SPATA16: variants seen among roughly 807,000 people sequenced by gnomAD.
SPATA16 encodes the protein spermatogenesis associated 16.
A neutral mutation model predicts 63.3 loss-of-function variants in SPATA16; 36 were observed. That is an observed-to-expected ratio of 0.57 (90% CI 0.44 to 0.75). The LOEUF is 0.75. Among genes scored for constraint, SPATA16 ranks in the 30% least tolerant of loss-of-function variants. SPATA16 has a pLI of 0.00. For synonymous variants in SPATA16, 203 were observed against 216.7 expected, an observed-to-expected ratio of 0.94 and a Z score of 0.56; for missense variants, 646 against 679.3, an observed-to-expected ratio of 0.95 and a Z score of 0.54.
intron 5 of SPATA16, among the ~76,000 whole-genome samples, chr3:172,961,049 T>TTTCTC (rs1553786354): frequency 9.1e-5 from 8 of 88,058 alleles, no homozygotes; most frequent in South Asian, 3.8e-4. Flanking sequence ...TCTTTCTTTC[T>TTTCTC]TCTTTCTTTC....
chr3:172,955,630 C>T (rs1364604883), intron 6 of SPATA16, among the ~76,000 whole-genome samples: 1 of 152,020 alleles, frequency 6.6e-6, no homozygotes, highest in Non-Finnish European at 1.5e-5. Context: ...TGATATCTTT[C>T]CCTTGAAGAG....
intron 3 of SPATA16, among the ~76,000 whole-genome samples, chr3:173,044,503 A>G (rs1231669507): frequency 1.3e-5 from 2 of 152,080 alleles, no homozygotes; most frequent in East Asian, 1.9e-4. Flanking sequence ...CATTACAACT[A>G]TTTTTACCTT....
chr3:172,990,378 A>G (rs1438804272), intron 4 of SPATA16, among the ~76,000 whole-genome samples: 1 of 152,180 alleles, frequency 6.6e-6, no homozygotes, highest in Non-Finnish European at 1.5e-5. Context: ...ATGGGATTCT[A>G]TATATTAAAC....
At chr3:173,066,552 T>G (rs1156513096) in intron 2 of SPATA16, among the ~76,000 whole-genome samples, 1 of 152,166 alleles carries the variant, frequency 6.6e-6, no homozygotes, top group African/African-American at 2.4e-5. Flanking sequence ...TCAAGTCCAC[T>G]AAGGCTGGGT....
At chr3:172,925,198 A>G (rs1732700087) in intron 7 of SPATA16, 148 bp downstream of exon 7, 2 of 875,522 alleles carry the variant, frequency 2.3e-6, no homozygotes, top group Admixed American at 2.4e-5. Context: ...GTTCTTGGGG[A>G]AAGATTTCCT....
intron 3 of SPATA16, among the ~76,000 whole-genome samples, chr3:173,046,538 G>A (rs1170578015): frequency 6.6e-6 from 1 of 151,872 alleles, no homozygotes; most frequent in African/African-American, 2.4e-5. Context: ...ATATGCAGTA[G>A]ACCTCACATT....
rs148267474 is a variant in SPATA16 at position 173,113,785 on chromosome 3, G to A, written c.612+3335C>T. 4.8e-3 allele frequency among the ~76,000 whole-genome samples: 725 copies of A among 152,254 alleles called. 5 individuals are homozygous for A. Among genetic ancestry groups the A allele is most frequent in the Non-Finnish European group, 7.7e-3 (522 of 68,014 alleles). Reference sequence around the variant, plus strand: ...TAAATGCCTCCAGGGCCTTTGCTCCGTTCTTACTTTTCTGTTTCTTTTTTG... The same window carrying A: ...TAAATGCCTCCAGGGCCTTTGCTCCATTCTTACTTTTCTGTTTCTTTTTTG... On this transcript the variant is annotated intron_variant, in intron 2 of 10. Transcript: ENST00000351008.
intron 3 of SPATA16, among the ~76,000 whole-genome samples, chr3:173,036,662 T>C (rs1735721241): frequency 6.6e-6 from 1 of 152,006 alleles, no homozygotes; most frequent in Admixed American, 6.6e-5. Flanking sequence ...ATATTCAAGA[T>C]TATCTGAAAA....
chr3:172,933,481 T>G (rs1394119663), intron 6 of SPATA16, among the ~76,000 whole-genome samples: 1 of 152,180 alleles, frequency 6.6e-6, no homozygotes, highest in African/African-American at 2.4e-5. Flanking sequence ...CTCTTATTCC[T>G]TGGTAATAAG....
chr3:172,984,132 A>G (rs1379667405), intron 4 of SPATA16, among the ~76,000 whole-genome samples: 1 of 152,188 alleles, frequency 6.6e-6, no homozygotes, highest in African/African-American at 2.4e-5. Context: ...AATTAAAATT[A>G]AAATTTTTAA....
At chr3:173,078,605 A>G (rs1736857387) in intron 2 of SPATA16, among the ~76,000 whole-genome samples, 1 of 152,208 alleles carries the variant, frequency 6.6e-6, no homozygotes, top group African/African-American at 2.4e-5. Flanking sequence ...TCAAAACACC[A>G]TAAACAATGG....
chr3:172,954,343 C>T (rs1733520550), intron 6 of SPATA16, among the ~76,000 whole-genome samples: 1 of 152,150 alleles, frequency 6.6e-6, no homozygotes, highest in South Asian at 2.1e-4. Flanking sequence ...ACCATGAGAA[C>T]AGTATGGGGG....
intron 4 of SPATA16, among the ~76,000 whole-genome samples, chr3:172,980,669 A>G (rs1007799378): frequency 7.9e-5 from 12 of 152,132 alleles, no homozygotes; most frequent in African/African-American, 2.7e-4. Context: ...CTGCTCCGCC[A>G]AGTATCTCAC....
At chr3:173,135,038 T>A (rs1474042174) in intron 1 of SPATA16, among the ~76,000 whole-genome samples, 3 of 152,178 alleles carry the variant, frequency 2.0e-5, no homozygotes, top group Admixed American at 6.5e-5. Context: ...ATTCGTAGAA[T>A]AAAAGAAAAT....
intron 2 of SPATA16, among the ~76,000 whole-genome samples, chr3:173,057,274 G>A (rs920356357): frequency 2.0e-5 from 3 of 151,770 alleles, no homozygotes; most frequent in East Asian, 1.9e-4. Flanking sequence ...GCCACGCCTG[G>A]GTAATTTTTT....
At chr3:173,090,087 A>G (rs1201161297) in intron 2 of SPATA16, among the ~76,000 whole-genome samples, 2 of 152,212 alleles carry the variant, frequency 1.3e-5, no homozygotes, top group Non-Finnish European at 2.9e-5. Context: ...GTCCCTATCC[A>G]ACTGTCATAC....
intron 2 of SPATA16, among the ~76,000 whole-genome samples, chr3:173,065,755 A>G (rs80346127): frequency 0.033 from 4,980 of 152,274 alleles, 275 homozygotes; most frequent in African/African-American, 0.11. Flanking sequence ...CCCTGTCACA[A>G]CAGAACACAA....
In SPATA16 at chr3:173,019,474, A is replaced by G. The variant is rs1441446895; in HGVS notation, c.848+12T>C. ...TTGATATAAATCCTCACAAAAGTTA[A>G]AACAAACATACCGGGCAGCCTCTGA... On this transcript the variant is annotated intron_variant, in intron 4 of 10. Coordinates refer to ENST00000351008, the MANE Select transcript of SPATA16 (RefSeq NM_031955.6). 1 of 1,611,736 alleles carries G rather than the reference A, an allele frequency of 6.2e-7. No individual in the cohort carries two copies. Among genetic ancestry groups the G allele is most frequent in the East Asian group, 2.2e-5 (1 of 44,872 alleles).
chr3:173,088,016 T>G (rs745871944), intron 2 of SPATA16, among the ~76,000 whole-genome samples: 4 of 69,952 alleles, frequency 5.7e-5, no homozygotes, highest in Non-Finnish European at 1.2e-4. Context: ...CCGTCTTTCT[T>G]TCTTTCTTTC....
Sources: allele counts gnomAD v4.1 joint callset (sites outside exome capture counted in the v4.1 genomes callset), GRCh38; gene constraint gnomAD v4.1.1; transcripts MANE v1.5; gene names NCBI Gene and HGNC (gene_info 2026-07-23, HGNC 2026-07-21).